TBC1D32: variants seen among roughly 807,000 people sequenced by gnomAD.
The protein encoded by TBC1D32 is protein broad-minded.
A neutral mutation model predicts 170.3 loss-of-function variants in TBC1D32; 151 were observed. The observed-to-expected ratio is 0.89, with a 90% confidence interval of 0.78 to 1.01. TBC1D32 has a LOEUF of 1.01. Ranked by LOEUF, TBC1D32 falls within the 50% of genes least tolerant of loss-of-function variation. The probability of loss-of-function intolerance (pLI) is 0.00; values close to 1 mark genes in which losing one functional copy is unlikely to be tolerated. For synonymous variants in TBC1D32, 498 were observed against 488.0 expected, an observed-to-expected ratio of 1.02 and a Z score of -0.27; for missense variants, 1,464 against 1,457.1, an observed-to-expected ratio of 1.00 and a Z score of -0.08.
At chr6:121,217,687 T>C (rs1794004845) in intron 21 of TBC1D32, among the ~76,000 whole-genome samples, 1 of 152,068 alleles carries the variant, frequency 6.6e-6, no homozygotes, top group Admixed American at 6.6e-5. Flanking sequence ...AAGATAACTA[T>C]TAGGTACAAG....
intron 22 of TBC1D32, among the ~76,000 whole-genome samples, chr6:121,193,342 A>T (rs1369733791): frequency 6.6e-6 from 1 of 152,190 alleles, no homozygotes; most frequent in East Asian, 1.9e-4. Flanking sequence ...GGGATCCAAC[A>T]TCTTAGGGAG....
At chr6:121,308,725 G>A (rs1807728614) in intron 4 of TBC1D32, among the ~76,000 whole-genome samples, 1 of 116,192 alleles carries the variant, frequency 8.6e-6, no homozygotes, top group South Asian at 2.7e-4. Flanking sequence ...GTCTCGCTCT[G>A]TCGCCCAGGC....
intron 19 of TBC1D32, among the ~76,000 whole-genome samples, chr6:121,239,588 G>A (rs997811330): frequency 1.3e-5 from 2 of 152,050 alleles, no homozygotes; most frequent in Non-Finnish European, 2.9e-5. Flanking sequence ...GTGAGGGGAG[G>A]AGAGAAAGAG....
At chr6:121,251,961 CAT>C (rs1176471187) in intron 17 of TBC1D32, among the ~76,000 whole-genome samples, 1 of 152,084 alleles carries the variant, frequency 6.6e-6, no homozygotes, top group South Asian at 2.1e-4. Flanking sequence ...GGCCAAGAAA[CAT>C]ATGAAAAAAA....
At chr6:121,134,079 T>C (rs185368824) in intron 24 of TBC1D32, among the ~76,000 whole-genome samples, 123 of 152,246 alleles carry the variant, frequency 8.1e-4, no homozygotes, top group African/African-American at 2.8e-3. Context: ...TTTATTGTTT[T>C]CATTTAAAAT....
chr6:121,080,837 A>T lies in TBC1D32; in HGVS notation c.3708T>A (p.Ile1236=), dbSNP rs773695166. Residue 1236 remains isoleucine (I), a synonymous_variant, in exon 32 of 32, where the codon ATT becomes ATA. Coordinates refer to ENST00000398212, the MANE Select transcript of TBC1D32 (RefSeq NM_152730.6). ...GCACTGTTCGGTAGTTTTGTTCCAA[A>T]ATTTCCATGTATTCAAAATAATCAC... ...RVSDYFEYME[I]LEQNYRTVLL... 1 of 1,613,924 alleles carries T rather than the reference A, an allele frequency of 6.2e-7. No homozygotes were observed. The highest frequency in any genetic ancestry group is 2.2e-5 in the East Asian group (1 of 44,848).
In TBC1D32 at chr6:121,321,686, G is replaced by A. The variant is rs1238423089; in HGVS notation, c.264C>T (p.Cys88=). 23 of 1,613,496 alleles carry A rather than the reference G, an allele frequency of 1.4e-5. No homozygotes were observed. Among genetic ancestry groups the A allele is most frequent in the Admixed American group, 3.3e-5 (2 of 59,952 alleles). ...CTSDRNQGEE[C]GYDTVVQQVT... is the part of the protein sequence containing the mutation. ...CCTGCTGTACAACTGTATCATAGCC[G>A]CATTCTTCACCCTGATTCCGATCAG... The change falls in exon 2 of 32, where the codon TGC becomes TGT. Residue 88 remains cysteine (C), a synonymous_variant. Coordinates refer to ENST00000398212, the MANE Select transcript of TBC1D32 (RefSeq NM_152730.6).
rs1469595646 is a variant in TBC1D32, at chr6:121,080,370, T to C, written c.*401A>G. ...GTAGCAGGGACTACAGGCGCATCAC[T>C]GCACCCAGCTAATTTCAGTATTGTT... is the stretch of plus-strand genomic sequence containing the variant. On this transcript the variant is annotated 3_prime_UTR_variant, in exon 32 of 32. Coordinates refer to ENST00000398212, the MANE Select transcript of TBC1D32 (RefSeq NM_152730.6). The C allele has an allele frequency of 2.8e-6, 1 of 351,130 alleles. No individual in the cohort carries two copies. The highest frequency in any genetic ancestry group is 5.9e-6 in the Non-Finnish European group (1 of 170,528). 21.8% of individuals were successfully genotyped at this position (351,130 alleles called of 1,614,324 possible).
At chr6:121,201,404 T>C (rs1228517250) in intron 22 of TBC1D32, among the ~76,000 whole-genome samples, 1 of 151,366 alleles carries the variant, frequency 6.6e-6, no homozygotes, top group East Asian at 1.9e-4. Flanking sequence ...GGAACTACTT[T>C]TTAACACAGG....
Position 121,255,430 on chromosome 6 carries a change from T to C in TBC1D32, c.1936-20A>G. 8.4e-7 allele frequency: 1 copy of C among 1,191,448 alleles called. No homozygotes were observed. Among genetic ancestry groups the C allele is most frequent in the East Asian group, 2.9e-5 (1 of 34,900 alleles). 73.8% of individuals were successfully genotyped at this position (1,191,448 alleles called of 1,614,324 possible). ...ACTTGTCTAAAAAATAGTAGAATAATTTATATTGCTTACTGATAGCACTAG... is the reference window on the plus strand; with the variant it reads ...ACTTGTCTAAAAAATAGTAGAATAACTTATATTGCTTACTGATAGCACTAG... On this transcript the variant is annotated intron_variant, in intron 16 of 31. Coordinates refer to ENST00000398212, the MANE Select transcript of TBC1D32 (RefSeq NM_152730.6).
At chr6:121,144,452 G>T (rs1350122175) in intron 24 of TBC1D32, among the ~76,000 whole-genome samples, 1 of 152,078 alleles carries the variant, frequency 6.6e-6, no homozygotes, top group African/African-American at 2.4e-5. Flanking sequence ...GATATGTAAA[G>T]ATTTGCTGAC....
At chr6:121,174,344 A>C (rs1203823742) in intron 22 of TBC1D32, among the ~76,000 whole-genome samples, 1 of 152,180 alleles carries the variant, frequency 6.6e-6, no homozygotes, top group African/African-American at 2.4e-5. Context: ...ATTAGTCAAG[A>C]AATTCTCCCC....
chr6:121,090,761 G>A, intron 31 of TBC1D32, 92 bp downstream of exon 31: 1 of 1,166,174 alleles, frequency 8.6e-7, no homozygotes. Flanking sequence ...TGGTTTTTAG[G>A]ATTAAATGAG....
chr6:121,274,992 G>T (rs147368300), intron 15 of TBC1D32, among the ~76,000 whole-genome samples: 13 of 152,234 alleles, frequency 8.5e-5, no homozygotes, highest in African/African-American at 2.4e-4. Context: ...TAACTCCAGA[G>T]AAGGCAAAAA....
chr6:121,319,776 C>A (rs4299866), intron 2 of TBC1D32, among the ~76,000 whole-genome samples: 150,544 of 152,268 alleles, frequency 0.99, 74,452 homozygotes, highest in East Asian at 1. Flanking sequence ...AATAATTCTA[C>A]AATGTAAATT....
intron 31 of TBC1D32, among the ~76,000 whole-genome samples, chr6:121,085,332 C>T (rs1290936782): frequency 1.6e-5 from 2 of 127,558 alleles, no homozygotes; most frequent in South Asian, 2.4e-4. Flanking sequence ...TATATATATA[C>T]ATACATATAT....
At chr6:121,233,773 G>T (rs935167455) in intron 20 of TBC1D32, among the ~76,000 whole-genome samples, 2 of 151,870 alleles carry the variant, frequency 1.3e-5, no homozygotes, top group Non-Finnish European at 2.9e-5. Context: ...GAATACCTTG[G>T]TTTTTTTGTC....
At chr6:121,140,701 T>C (rs1445825801) in intron 24 of TBC1D32, among the ~76,000 whole-genome samples, 1 of 151,978 alleles carries the variant, frequency 6.6e-6, no homozygotes. Flanking sequence ...TTTTTTTCAA[T>C]TGTGAAAAAA....
intron 20 of TBC1D32, among the ~76,000 whole-genome samples, chr6:121,228,429 C>T (rs957881835): frequency 1.3e-5 from 2 of 152,056 alleles, no homozygotes; most frequent in Non-Finnish European, 2.9e-5. Context: ...CTTAGCACTG[C>T]TTCAACTATA....
Sources: gnomAD v4.1 joint callset for allele counts (sites outside exome capture counted in the v4.1 genomes callset) on GRCh38, gnomAD v4.1.1 for gene constraint, MANE v1.5 for transcripts, NCBI Gene and HGNC (gene_info 2026-07-23, HGNC 2026-07-21) for gene names.